The following TNN variants were observed in gnomAD, a reference collection of about 807,000 sequenced individuals.
TNN encodes tenascin N.
TNN carries 122 observed loss-of-function variants against 134.4 expected under a neutral mutation model. That is an observed-to-expected ratio of 0.91 (90% CI 0.78 to 1.06). The LOEUF is 1.06. Ranked by LOEUF, TNN falls within the 50% of genes least tolerant of loss-of-function variation. TNN has a pLI of 0.00. For synonymous variants in TNN, 710 were observed against 670.3 expected, an observed-to-expected ratio of 1.06 and a Z score of -0.91; for missense variants, 1,739 against 1,699.4, an observed-to-expected ratio of 1.02 and a Z score of -0.41.
chr1:175,122,262 C>A (rs907113381), intron 11 of TNN, among the ~76,000 whole-genome samples: 1 of 151,748 alleles, frequency 6.6e-6, no homozygotes, highest in Non-Finnish European at 1.5e-5. Flanking sequence ...GTGGCATGCA[C>A]CTGTATTCCC....
At chr1:175,108,545 C>A (rs1180109925) in intron 9 of TNN, among the ~76,000 whole-genome samples, 1 of 152,248 alleles carries the variant, frequency 6.6e-6, no homozygotes, top group Non-Finnish European at 1.5e-5. Context: ...TGCACAGGAA[C>A]CCACGGAGGC....
chr1:175,144,389 G>T lies in TNN; in HGVS notation c.3598G>T (p.Asp1200Tyr), dbSNP rs770578681. Residue 1200 changes from aspartate (D) to tyrosine (Y), a missense_variant and splice_region_variant, in exon 18 of 19, where the codon GAT (aspartate) becomes TAT (tyrosine). Asp to Tyr is a radical substitution (Grantham distance 160). Coordinates refer to ENST00000239462, the MANE Select transcript of TNN (RefSeq NM_022093.2). Reference sequence around the variant, plus strand: ...CCTCCGTCTCTTCTCTCCTGCAGGGGATGCTCTTACTTACCACAATGGATG... The same window carrying T: ...CCTCCGTCTCTTCTCTCCTGCAGGGTATGCTCTTACTTACCACAATGGATG... The part of the protein sequence containing the change: ...TVGKYRGTAG[D>Y]ALTYHNGWKF... The T allele has an allele frequency of 6.2e-7, 1 of 1,613,826 alleles. No homozygotes were observed. The highest frequency in any genetic ancestry group is 1.3e-5 in the African/African-American group (1 of 74,918).
At chr1:175,107,533 GGTGA>G (rs1421725303) in intron 9 of TNN, among the ~76,000 whole-genome samples, 82 of 147,080 alleles carry the variant, frequency 5.6e-4, no homozygotes, top group Non-Finnish European at 1.1e-3. Flanking sequence ...AGATCTTCGC[GGTGA>G]GTGTTACAGC....
rs116826002 is a variant in TNN, at chr1:175,137,050, T to C, written c.3595+62T>C. ...GCTGTCTGTTGTGTAAGGATTGGTTTGCCGTGTGCCACTGATCTGGGGGAT... is the reference window on the plus strand; with the variant it reads ...GCTGTCTGTTGTGTAAGGATTGGTTCGCCGTGTGCCACTGATCTGGGGGAT... On this transcript the variant is annotated intron_variant, in intron 17 of 18. Transcript: ENST00000239462. 1.9e-3 allele frequency: 3,010 copies of C among 1,549,598 alleles called. 65 individuals are homozygous for C. The African/African-American group carries it at 0.036, about 19-fold the overall frequency.
chr1:175,071,402 G>T (rs929707362), intron 1 of TNN, among the ~76,000 whole-genome samples: 1 of 152,164 alleles, frequency 6.6e-6, no homozygotes, highest in Non-Finnish European at 1.5e-5. Flanking sequence ...GATGCCATCT[G>T]CCCCTGCAGA....
At chr1:175,098,924 C>T (rs542179820) in intron 9 of TNN, among the ~76,000 whole-genome samples, 24 of 152,268 alleles carry the variant, frequency 1.6e-4, no homozygotes, top group African/African-American at 5.3e-4. Flanking sequence ...CTGAGGGAGC[C>T]AGACTTAGGG....
At chr1:175,114,701 C>T (rs1675116826) in intron 9 of TNN, among the ~76,000 whole-genome samples, 2 of 151,776 alleles carry the variant, frequency 1.3e-5, no homozygotes, top group Non-Finnish European at 2.9e-5. Context: ...AATTCTACCC[C>T]TGATGGGCAG....
Position 175,080,158 on chromosome 1 carries a change from T to G in TNN, c.785-5T>G. The G allele has an allele frequency of 1.9e-6, 3 of 1,613,532 alleles. No individual in the cohort carries two copies. The highest frequency in any genetic ancestry group is 2.2e-5 in the South Asian group (2 of 91,050). On this transcript the variant is annotated splice_region_variant and splice_polypyrimidine_tract_variant and intron_variant, in intron 3 of 18. Coordinates refer to ENST00000239462, the MANE Select transcript of TNN (RefSeq NM_022093.2). ...CTCTCTGCCCTGTTCCTGTTCTGCC[T>G]GCAGTGGTCACCCCACAGGGCCTGC...
intron 6 of TNN, among the ~76,000 whole-genome samples, chr1:175,090,129 A>G (rs960547573): frequency 6.6e-6 from 1 of 152,194 alleles, no homozygotes; most frequent in Admixed American, 6.5e-5. Context: ...TATTATTTCC[A>G]TTTTACATAT....
intron 5 of TNN, among the ~76,000 whole-genome samples, chr1:175,085,085 TTGGGTCTATAAATAAA>T (rs1674292865): frequency 6.6e-6 from 1 of 152,130 alleles, no homozygotes. Flanking sequence ...AGAAACACAT[TTGGGTCTATAAATAAA>T]ATTGGGAAAT....
chr1:175,082,826 G>T (rs1674228842), intron 4 of TNN, among the ~76,000 whole-genome samples: 1 of 152,180 alleles, frequency 6.6e-6, no homozygotes. Context: ...TGGCTTTCCT[G>T]TCAAAAACTT....
At chr1:175,144,329 T>C in intron 17 of TNN, 58 bp from the exon 18 acceptor site, 1 of 1,546,730 alleles carries the variant, frequency 6.5e-7, no homozygotes, top group East Asian at 2.3e-5. Context: ...GGTCCTCTTT[T>C]GATCATCTCC....
At chr1:175,119,990 T>G (rs1276837505) in intron 11 of TNN, among the ~76,000 whole-genome samples, 2 of 152,220 alleles carry the variant, frequency 1.3e-5, no homozygotes, top group African/African-American at 4.8e-5. Flanking sequence ...TCATTGTGTC[T>G]CTCAGCTATA....
intron 12 of TNN, among the ~76,000 whole-genome samples, chr1:175,124,746 G>T (rs1382191970): frequency 6.6e-6 from 1 of 152,146 alleles, no homozygotes; most frequent in Non-Finnish European, 1.5e-5. Context: ...TCCCTAGTAT[G>T]CAGGGTTGCT....
chr1:175,134,699 C>T (rs1675754409), intron 15 of TNN, among the ~76,000 whole-genome samples: 1 of 152,176 alleles, frequency 6.6e-6, no homozygotes, highest in African/African-American at 2.4e-5. Flanking sequence ...ACTTCCTCCT[C>T]TTTCAGTTCC....
intron 18 of TNN, among the ~76,000 whole-genome samples, chr1:175,145,566 A>AAAAAAAAAAAAAAAAAAAAAAAAC (rs1676044227): frequency 6.8e-6 from 1 of 148,104 alleles, no homozygotes; most frequent in Non-Finnish European, 1.5e-5. Flanking sequence ...AAAAAAAAAA[A>AAAAAAAAAAAAAAAAAAAAAAAAC]AAAAAAAAAG....
chr1:175,106,032 C>A (rs531335225), intron 9 of TNN, among the ~76,000 whole-genome samples: 1 of 145,544 alleles, frequency 6.9e-6, no homozygotes, highest in Admixed American at 6.9e-5. Context: ...CATGGAGGAC[C>A]GAGGAAGGTC....
intron 15 of TNN, among the ~76,000 whole-genome samples, chr1:175,134,887 C>T (rs138203629): frequency 2.6e-5 from 4 of 152,182 alleles, no homozygotes; most frequent in Admixed American, 6.5e-5. Flanking sequence ...AAGCTAGAGA[C>T]GAATCTGATT....
chr1:175,081,596 G>T (rs928434750), intron 4 of TNN, among the ~76,000 whole-genome samples: 5 of 152,168 alleles, frequency 3.3e-5, no homozygotes, highest in African/African-American at 9.7e-5. Flanking sequence ...GTTGGAAAGG[G>T]CTGTGAGAGA....
Sources: allele counts gnomAD v4.1 joint callset (sites outside exome capture counted in the v4.1 genomes callset), GRCh38; gene constraint gnomAD v4.1.1; transcripts MANE v1.5; gene names NCBI Gene and HGNC (gene_info 2026-07-23, HGNC 2026-07-21).